The following CAPRIN2 variants were observed in gnomAD, a reference collection of about 807,000 sequenced individuals.
CAPRIN2 encodes caprin family member 2.
CAPRIN2 carries 66 observed loss-of-function variants against 130.4 expected under a neutral mutation model. The observed-to-expected ratio is 0.51, with a 90% CI of 0.42 to 0.62. The LOEUF (loss-of-function observed/expected upper bound fraction) is 0.62, where lower values mean the gene tolerates loss of function less well. Among genes scored for constraint, CAPRIN2 ranks in the 20% least tolerant of loss-of-function variants. CAPRIN2 has a pLI of 0.00. For missense variants in CAPRIN2, 1,185 were observed against 1,246.6 expected, an observed-to-expected ratio of 0.95 and a Z score of 0.74; for synonymous variants, 471 against 444.1, an observed-to-expected ratio of 1.06 and a Z score of -0.76.
intron 4 of CAPRIN2, among the ~76,000 whole-genome samples, chr12:30,734,598 A>G (rs1410658432): frequency 6.6e-6 from 1 of 152,218 alleles, no homozygotes; most frequent in Non-Finnish European, 1.5e-5. Context: ...CAGGAGTAAG[A>G]AGGCAACTCT....
intron 2 of CAPRIN2, among the ~76,000 whole-genome samples, chr12:30,750,816 C>T (rs993731283): frequency 2.6e-5 from 4 of 152,140 alleles, no homozygotes; most frequent in Admixed American, 1.3e-4. Flanking sequence ...TATGTTAACT[C>T]GTAGTGACAG....
At chr12:30,725,081 T>C (rs1184387237) in intron 9 of CAPRIN2, among the ~76,000 whole-genome samples, 1 of 152,158 alleles carries the variant, frequency 6.6e-6, no homozygotes, top group Non-Finnish European at 1.5e-5. Flanking sequence ...GTCCTAAACA[T>C]AGCCATCAAT....
Position 30,710,001 on chromosome 12 carries a change from G to C in CAPRIN2, c.3135C>G (p.Phe1045Leu). 1.2e-6 allele frequency: 2 copies of C among 1,614,082 alleles called. No homozygotes were observed. The highest frequency in any genetic ancestry group is 1.1e-5 in the South Asian group (1 of 91,084). Residue 1045 changes from phenylalanine to leucine, a missense_variant, in exon 17 of 17, where the codon TTC becomes TTG. Physicochemically the swap from Phe to Leu is conservative, Grantham distance 22 (BLOSUM62 0). This residue lies in a region of CAPRIN2 where 81 missense variants were observed against 142.2 expected (regional missense o/e 0.57). Coordinates refer to ENST00000298892, the Ensembl canonical transcript of CAPRIN2. The surrounding 1 kb of genome is among the most constrained non-coding windows in gnomAD (Gnocchi z 4.8). ...GACGTAACCATATCTGGTCTCCCTG[G>C]AAGAGCTGAAGAATTGCATGATTGC... is the stretch of plus-strand genomic sequence containing the variant.
intron 10 of CAPRIN2, 81 bp downstream of exon 11, chr12:30,724,289 T>C: frequency 1.2e-6 from 1 of 867,832 alleles, no homozygotes; most frequent in Non-Finnish European, 1.9e-6. Context: ...ACATCTAAAA[T>C]AAAATCATTT....
intron 11 of CAPRIN2, 84 bp downstream of exon 12, chr12:30,723,175 G>A: frequency 1.1e-6 from 1 of 914,684 alleles, no homozygotes; most frequent in East Asian, 2.4e-5. Context: ...AGGTACATGA[G>A]AATCAGTAAG....
chr12:30,732,869 T>A (rs1565636727), intron 5 of CAPRIN2, among the ~76,000 whole-genome samples: 1 of 152,130 alleles, frequency 6.6e-6, no homozygotes, highest in Admixed American at 6.6e-5. Context: ...GAAGACTAAT[T>A]GCTTAGCGTT....
At chr12:30,711,896 T>C (rs1314494192) in intron 15 of CAPRIN2, 1 of 583,240 alleles carries the variant, frequency 1.7e-6, no homozygotes, top group Non-Finnish European at 3.2e-6. Flanking sequence ...GAGAATACTA[T>C]GTAAAAGATA....
chr12:30,730,377 A>G, intron 6 of CAPRIN2, 95 bp from the exon 8 acceptor site: 3 of 879,232 alleles, frequency 3.4e-6, no homozygotes, highest in Non-Finnish European at 5.7e-6. Context: ...ATATTTCAGA[A>G]GACTCGTAAC....
At chr12:30,728,689 C>A in exon 8 of CAPRIN2, 1 of 1,613,128 alleles carries the variant, frequency 6.2e-7, no homozygotes, top group South Asian at 1.1e-5. Context: ...AGCAGCTGGT[C>A]ATTTGGTATG....
At chr12:30,711,286 C>T (rs984320850) in intron 16 of CAPRIN2, among the ~76,000 whole-genome samples, 4 of 152,112 alleles carry the variant, frequency 2.6e-5, no homozygotes, top group Admixed American at 6.5e-5. Flanking sequence ...GAAAAATATT[C>T]GAAATCAGCA....
chr12:30,736,351 C>T (rs1206931558), intron 3 of CAPRIN2, among the ~76,000 whole-genome samples: 5 of 150,460 alleles, frequency 3.3e-5, no homozygotes, highest in Admixed American at 6.6e-5. Flanking sequence ...TTGATTGTAA[C>T]GTTTCCATCA....
chr12:30,750,961 G>A, intron 2 of CAPRIN2, 110 bp downstream of exon 3: 1 of 806,284 alleles, frequency 1.2e-6, no homozygotes, highest in Non-Finnish European at 2.1e-6. Flanking sequence ...ACAAACTATG[G>A]ATTTTAACTG....
chr12:30,736,808 A>G (rs2065038167), intron 3 of CAPRIN2, among the ~76,000 whole-genome samples: 1 of 152,104 alleles, frequency 6.6e-6, no homozygotes, highest in Admixed American at 6.5e-5. Flanking sequence ...AGAAAAGAGG[A>G]CGGAGGTGGC....
chr12:30,745,222 C>CA (rs2069455015), intron 2 of CAPRIN2, among the ~76,000 whole-genome samples: 1 of 152,214 alleles, frequency 6.6e-6, no homozygotes, highest in South Asian at 2.1e-4. Flanking sequence ...CCAAAGACAT[C>CA]AAGTTCCCTT....
intron 6 of CAPRIN2, among the ~76,000 whole-genome samples, chr12:30,730,700 G>C (rs1434474977): frequency 1.3e-5 from 2 of 152,162 alleles, no homozygotes; most frequent in African/African-American, 4.8e-5. Flanking sequence ...GGGGATAAGA[G>C]AGTGGAGATA....
chr12:30,713,587 A>T (rs1160648215), intron 15 of CAPRIN2, among the ~76,000 whole-genome samples, 198 bp downstream of exon 17: 3 of 152,202 alleles, frequency 2.0e-5, no homozygotes, highest in Admixed American at 2.0e-4. Flanking sequence ...AGTTCCACAT[A>T]ACAAGCAATT....
exon 1 of CAPRIN2, chr12:30,753,586 G>A (rs758091829): frequency 6.2e-7 from 1 of 1,614,148 alleles, no homozygotes; most frequent in South Asian, 1.1e-5. Context: ...GATGAAAAGA[G>A]TTGCACCATT....
chr12:30,735,119 C>T, exon 4 of CAPRIN2: 3 of 1,614,144 alleles, frequency 1.9e-6, no homozygotes, highest in Non-Finnish European at 2.5e-6. Flanking sequence ...ACATACTGAA[C>T]TTGAAGTATA....
chr12:30,711,775 T>C, intron 15 of CAPRIN2, 146 bp from the exon 18 acceptor site: 1 of 724,998 alleles, frequency 1.4e-6, no homozygotes, highest in Non-Finnish European at 2.5e-6. Context: ...CTCAGATGTT[T>C]CCAAACACTA....
Sources: gnomAD v4.1 joint callset for allele counts (sites outside exome capture counted in the v4.1 genomes callset) on GRCh38, gnomAD v4.1.1 for gene constraint, gnomAD v4.1.1 regional missense constraint, Gnocchi (gnomAD v3.1) non-coding constraint, MANE v1.5 for transcripts, NCBI Gene and HGNC (gene_info 2026-07-23, HGNC 2026-07-21) for gene names.